The following PRSS2 variants were observed in gnomAD, a reference collection of about 807,000 sequenced individuals.
PRSS2 encodes trypsin-2.
In PRSS2, 19 loss-of-function variants were observed where a neutral mutation model predicts 19.2. The ratio of observed to expected loss-of-function variants is 0.99; its 90% confidence interval spans 0.69 to 1.45. The LOEUF (loss-of-function observed/expected upper bound fraction) is 1.45. Ranked by LOEUF, PRSS2 falls within the 40% of genes most tolerant of loss-of-function variation. PRSS2 has a pLI of 0.00. For missense variants in PRSS2, 288 were observed against 294.4 expected, an observed-to-expected ratio of 0.98 and a Z score of 0.16; for synonymous variants, 107 against 117.5, an observed-to-expected ratio of 0.91 and a Z score of 0.58.
rs1241374758 is a variant in PRSS2 at position 142,771,016 on chromosome 7, G to T, written c.34G>T (p.Ala12Ser). ...NLLLILTFVA[A>S]AVAAPFDDDD... The stretch of plus-strand genomic sequence containing the variant: ...ACTTCTGATCCTTACCTTTGTTGCA[G>T]CTGCTGGTGAGTTTCACGCCCTGCC... Residue 12 changes from alanine to serine, a missense_variant, in exon 1 of 5, where the codon GCT becomes TCT. Transcript: ENST00000539842. 7 of 605,304 alleles carry T rather than the reference G, an allele frequency of 1.2e-5. No individual in the cohort carries two copies. In the East Asian group the frequency reaches 2.0e-4, roughly 17 times the overall value. 37.5% of individuals were successfully genotyped at this position (605,304 alleles called of 1,614,324 possible). A position where few individuals can be genotyped will look rare whatever the true frequency, so the allele number is the denominator to read the frequency against.
At position 142,773,962 on chromosome 7, in the gene PRSS2, G is replaced by T; in HGVS notation, c.498G>T (p.Leu166=). 1 of 1,612,746 alleles carries T rather than the reference G, an allele frequency of 6.2e-7. No individual in the cohort carries two copies. Among genetic ancestry groups the T allele is most frequent in the South Asian group, 1.1e-5 (1 of 90,998 alleles). The change falls in exon 4 of 5, where the codon CTG becomes CTT. Residue 166 remains leucine, a synonymous_variant. Coordinates refer to ENST00000539842, the MANE Select transcript of PRSS2 (RefSeq NM_002770.4). The part of the protein sequence containing the change: ...DELQCLDAPV[L]SQAECEASYP... Reference sequence around the variant, plus strand: ...TGCAGTGCCTGGATGCTCCTGTGCTGAGCCAGGCTGAGTGTGAAGCCTCCT... The same window carrying T: ...TGCAGTGCCTGGATGCTCCTGTGCTTAGCCAGGCTGAGTGTGAAGCCTCCT...
In PRSS2 at chr7:142,773,535, T is replaced by A. The variant is rs776566946; in HGVS notation, c.454+16T>A. 2.3e-5 allele frequency: 36 copies of A among 1,560,598 alleles called. No homozygotes were observed. Among genetic ancestry groups the A allele is most frequent in the South Asian group, 2.2e-5 (2 of 89,354 alleles). On this transcript the variant is annotated intron_variant, in intron 3 of 4. Transcript: ENST00000539842. ...AGTTCTGGTGGTGAGTGGGACCCTT[T>A]GTCCTTCTACTTCCCTCCATCCCAC...
chr7:142,774,031 C>G lies in PRSS2; in HGVS notation c.567C>G (p.Leu189=). ...ITNNMFCVGF[L]EGGKDSCQGD... is the part of the protein sequence containing the mutation. ...ACAACATGTTCTGTGTGGGCTTCCT[C>G]GAGGGAGGCAAGGATTCCTGCCAGG... is the stretch of plus-strand genomic sequence containing the variant. The change falls in exon 4 of 5, where the codon CTC becomes CTG. Residue 189 remains leucine, a synonymous_variant. Coordinates refer to ENST00000539842, the MANE Select transcript of PRSS2 (RefSeq NM_002770.4). 1 of 1,526,694 alleles carries G rather than the reference C, an allele frequency of 6.6e-7. No individual in the cohort carries two copies. Among genetic ancestry groups the G allele is most frequent in the Non-Finnish European group, 9.1e-7 (1 of 1,104,306 alleles). 94.6% of individuals were successfully genotyped at this position (1,526,694 alleles called of 1,614,324 possible). A position where few individuals can be genotyped will look rare whatever the true frequency, so the allele number is the denominator to read the frequency against.
At chr7:142,771,665 C>T (rs1458352732) in intron 1 of PRSS2, among the ~76,000 whole-genome samples, 1 of 150,950 alleles carries the variant, frequency 6.6e-6, no homozygotes, top group African/African-American at 2.5e-5. Flanking sequence ...CTAGCTTGGC[C>T]AAAGTAGCCA....
chr7:142,774,404 G>T lies in PRSS2; in HGVS notation c.640G>T (p.Val214Phe). The T allele has an allele frequency of 6.4e-7, 1 of 1,568,764 alleles. No individual in the cohort carries two copies. The highest frequency in any genetic ancestry group is 8.8e-7 in the Non-Finnish European group (1 of 1,139,216). Residue 214 changes from valine to phenylalanine, a missense_variant, in exon 5 of 5, where the codon GTC becomes TTC. Physicochemically the swap from Val to Phe is conservative, Grantham distance 50 (BLOSUM62 -1). Coordinates refer to ENST00000539842, the MANE Select transcript of PRSS2 (RefSeq NM_002770.4). The stretch of plus-strand genomic sequence containing the variant: ...CTCCAATGGAGAGCTCCAAGGAATT[G>T]TCTCCTGGGGCTATGGCTGTGCCCA... Reference protein sequence around the residue: ...VVSNGELQGIVSWGYGCAQKN... With the variant: ...VVSNGELQGIFSWGYGCAQKN...
At chr7:142,773,836 C>T (rs1331573151) in intron 3 of PRSS2, 83 bp from the exon 4 acceptor site, 22 of 1,533,302 alleles carry the variant, frequency 1.4e-5, no homozygotes, top group Non-Finnish European at 2.0e-5. Context: ...CAGTGTTCCT[C>T]TTCAATGTTC....
intron 3 of PRSS2, 58 bp from the exon 4 acceptor site, chr7:142,773,861 G>T (rs1443052886): frequency 3.2e-6 from 5 of 1,561,112 alleles, no homozygotes; most frequent in African/African-American, 1.4e-5. Flanking sequence ...CTAGACTATT[G>T]TCTCTTTCTC....
chr7:142,774,385 T>C lies in PRSS2; in HGVS notation c.621T>C (p.Asn207=), dbSNP rs1800274185. 1.3e-6 allele frequency: 2 copies of C among 1,496,998 alleles called. No individual in the cohort carries two copies. The highest frequency in any genetic ancestry group is 1.4e-5 in the African/African-American group (1 of 72,846). The allele number at this position is 1,496,998 out of a possible 1,614,324, so 92.7% of individuals were successfully genotyped here. A position where few individuals can be genotyped will look rare whatever the true frequency, so the allele number is the denominator to read the frequency against. ...QGDSGGPVVS[N]GELQGIVSWG... ...ATTCTGGTGGCCCTGTGGTCTCCAA[T>C]GGAGAGCTCCAAGGAATTGTCTCCT... Residue 207 remains asparagine, a synonymous_variant, in exon 5 of 5, where the codon AAT becomes AAC. Transcript: ENST00000539842.
In PRSS2 at chr7:142,773,256, T is replaced by C; in HGVS notation, c.201-10T>C. 1 of 1,614,264 alleles carries C rather than the reference T, an allele frequency of 6.2e-7. No individual in the cohort carries two copies. The highest frequency in any genetic ancestry group is 8.5e-7 in the Non-Finnish European group (1 of 1,180,050). ...GAGAAGGTCTTCACCATGCCTGCCC[T>C]GCCCATCAGCCGCATCCAGGTGAGA... is the stretch of plus-strand genomic sequence containing the variant. On this transcript the variant is annotated splice_polypyrimidine_tract_variant and intron_variant, in intron 2 of 4. Transcript: ENST00000539842.
intron 1 of PRSS2, 125 bp downstream of exon 1, chr7:142,771,147 C>A: frequency 2.0e-6 from 1 of 496,194 alleles, no homozygotes; most frequent in Non-Finnish European, 3.6e-6. Flanking sequence ...TCTGGCATTT[C>A]TTCTTCCCAT....
intron 2 of PRSS2, among the ~76,000 whole-genome samples, chr7:142,772,999 T>G (rs3888796): frequency 0.32 from 38,008 of 117,630 alleles, 5,634 homozygotes; most frequent in Non-Finnish European, 0.39. Flanking sequence ...TGGGAAAGAG[T>G]CTGGGAAGGC....
Position 142,774,411 on chromosome 7 carries a change from G to A in PRSS2, c.647G>A (p.Trp216Ter). ...GGAGAGCTCCAAGGAATTGTCTCCT[G>A]GGGCTATGGCTGTGCCCAGAAGAAC... ...SNGELQGIVS[W>*]GYGCAQKNRP... is the part of the protein sequence containing the mutation. The change falls in exon 5 of 5, where the codon TGG becomes TAG. Residue 216 changes from tryptophan to a stop codon, truncating the protein, a stop_gained. Coordinates refer to ENST00000539842, the MANE Select transcript of PRSS2 (RefSeq NM_002770.4). LOFTEE classifies it high-confidence loss of function. 1.3e-6 allele frequency: 2 copies of A among 1,579,772 alleles called. No homozygotes were observed. The highest frequency in any genetic ancestry group is 8.7e-7 in the Non-Finnish European group (1 of 1,149,232).
chr7:142,770,971 C>A lies in PRSS2; in HGVS notation c.-12C>A. 1.5e-6 allele frequency: 1 copy of A among 678,310 alleles called. No individual in the cohort carries two copies. Among genetic ancestry groups the A allele is most frequent in the Non-Finnish European group, 2.7e-6 (1 of 370,992 alleles). The allele number at this position is 678,310 out of a possible 1,614,324, so 42.0% of individuals were successfully genotyped here. On this transcript the variant is annotated 5_prime_UTR_variant, in exon 1 of 5. Coordinates refer to ENST00000539842, the MANE Select transcript of PRSS2 (RefSeq NM_002770.4). ...CGGGTTCTCCACCAGCAATCAGGCA[C>A]ACTCTACCACCATGAATCTACTTCT...
chr7:142,772,448 T>TG (rs1800011753), intron 2 of PRSS2: 1 of 642,978 alleles, frequency 1.6e-6, no homozygotes, highest in Admixed American at 2.6e-5. Context: ...GGGATGATCT[T>TG]GGGGTGGTGA....
chr7:142,773,408 T>G lies in PRSS2; in HGVS notation c.343T>G (p.Ser115Ala). ...DNDILLIKLSSPAVINSRVSA... is the reference protein window; with the variant it reads ...DNDILLIKLSAPAVINSRVSA... ...TGACATCCTGCTGATCAAGCTCTCCTCACCTGCCGTCATCAATTCCCGCGT... is the reference window on the plus strand; with the variant it reads ...TGACATCCTGCTGATCAAGCTCTCCGCACCTGCCGTCATCAATTCCCGCGT... Residue 115 changes from serine to alanine, a missense_variant, in exon 3 of 5, where the codon TCA becomes GCA. Transcript: ENST00000539842. The G allele has an allele frequency of 6.4e-7, 1 of 1,552,816 alleles. No individual in the cohort carries two copies. The highest frequency in any genetic ancestry group is 8.8e-7 in the Non-Finnish European group (1 of 1,138,362).
intron 3 of PRSS2, 82 bp from the exon 4 acceptor site, chr7:142,773,837 T>C: frequency 1.3e-6 from 2 of 1,535,044 alleles, no homozygotes; most frequent in Non-Finnish European, 1.8e-6. Flanking sequence ...AGTGTTCCTC[T>C]TCAATGTTCC....
At chr7:142,773,884 C>A in intron 3 of PRSS2, 35 bp from the exon 4 acceptor site, 1 of 1,593,068 alleles carries the variant, frequency 6.3e-7, no homozygotes, top group South Asian at 1.1e-5. Context: ...GCCTAACCCA[C>A]ATTTCTTTCT....
rs953521673 is a variant in PRSS2 at position 142,772,749 on chromosome 7, C to A, written c.201-517C>A. On this transcript the variant is annotated intron_variant, in intron 2 of 4. Coordinates refer to ENST00000539842, the MANE Select transcript of PRSS2 (RefSeq NM_002770.4). ...AGGCACAAATCACTGGGACCCATCC[C>A]CAAGGTTCTGATCAGTAGGTGGGGG... 1.6e-3 allele frequency: 904 copies of A among 570,736 alleles called. 3 individuals are homozygous for A. Among genetic ancestry groups the A allele is most frequent in the African/African-American group, 0.014 (755 of 53,598 alleles). The allele number at this position is 570,736 out of a possible 1,614,324, so 35.4% of individuals were successfully genotyped here. A position where few individuals can be genotyped will look rare whatever the true frequency, so the allele number is the denominator to read the frequency against.
In PRSS2 at chr7:142,771,958, G is replaced by T. The variant is rs1007575099; in HGVS notation, c.41-91G>T. ...GCCTAGCCTCACTGAGCTTGTTAAG[G>T]TTTTCTAATTAGCAGGAAGCAGCCA... On this transcript the variant is annotated intron_variant, in intron 1 of 4. Transcript: ENST00000539842. The T allele has an allele frequency of 5.2e-4, 754 of 1,457,922 alleles. 2 individuals carry two copies. The highest frequency in any genetic ancestry group is 1.3e-3 in the African/African-American group (45 of 35,450). The allele number at this position is 1,457,922 out of a possible 1,614,324, so 90.3% of individuals were successfully genotyped here.
Sources: allele counts gnomAD v4.1 joint callset (sites outside exome capture counted in the v4.1 genomes callset), GRCh38; gene constraint gnomAD v4.1.1; transcripts MANE v1.5; gene names NCBI Gene and HGNC (gene_info 2026-07-23, HGNC 2026-07-21).